Variants in KIDINS220 observed in about 807,000 individuals in gnomAD.
The protein encoded by KIDINS220 is kinase D-interacting substrate of 220 kDa.
Under a neutral mutation model 157.6 loss-of-function variants are expected in KIDINS220, and 63 were observed. That is an observed-to-expected ratio of 0.40 (90% CI 0.33 to 0.49). The LOEUF (loss-of-function observed/expected upper bound fraction) is 0.49. KIDINS220 is among the 20% of genes least tolerant of loss of function. The probability of loss-of-function intolerance (pLI) is 0.66; values close to 1 mark genes in which losing one functional copy is unlikely to be tolerated. For synonymous variants in KIDINS220, 732 were observed against 783.6 expected (o/e 0.93, Z 1.10); for missense variants, 1,772 against 2,171.2 (o/e 0.82, Z 3.65).
chr2:8,820,969 T>C (rs1365451704), intron 2 of KIDINS220, among the ~76,000 whole-genome samples: 2 of 152,182 alleles, frequency 1.3e-5, no homozygotes, highest in Non-Finnish European at 2.9e-5. Context: ...CAACAAACTC[T>C]AAATCCACAG....
In KIDINS220 at chr2:8,730,234, C is replaced by T; in HGVS notation, c.*486G>A. ...ACAGAACGCTGGATCTCGGTTTACT[C>T]AGCCTCTCCCTGTAGCGTCACAGGC... On this transcript the variant is annotated 3_prime_UTR_variant, in exon 30 of 30. Transcript: ENST00000256707. The T allele has an allele frequency of 1.7e-5, 17 of 987,854 alleles. No homozygotes were observed. Among genetic ancestry groups the T allele is most frequent in the Non-Finnish European group, 2.0e-5 (17 of 831,746 alleles). The allele number at this position is 987,854 out of a possible 1,614,324, so 61.2% of individuals were successfully genotyped here.
intron 22 of KIDINS220, among the ~76,000 whole-genome samples, chr2:8,759,051 C>A (rs1668415192): frequency 6.6e-6 from 1 of 152,190 alleles, no homozygotes; most frequent in African/African-American, 2.4e-5. Flanking sequence ...CTCACTGACA[C>A]TCACTTTTCA....
At position 8,750,147 on chromosome 2, in the gene KIDINS220, C is replaced by T. The variant is rs201693934; in HGVS notation, c.3379G>A (p.Gly1127Ser). 6.9e-5 allele frequency: 112 copies of T among 1,613,982 alleles called. No individual in the cohort carries two copies. Among genetic ancestry groups the T allele is most frequent in the Admixed American group, 1.3e-4 (8 of 59,990 alleles). ...AAGGGATGCTGAGGGCCCGTCATGC[C>T]GCTGTAATAGCTGCTGTGAGGCTGT... is the stretch of plus-strand genomic sequence containing the variant. Reference protein sequence around the residue: ...SPQPHSSYYSGMTGPQHPFYN... With the variant: ...SPQPHSSYYSSMTGPQHPFYN... Residue 1127 changes from glycine to serine, a missense_variant, in exon 24 of 30, where the codon GGC becomes AGC. Coordinates refer to ENST00000256707, the MANE Select transcript of KIDINS220 (RefSeq NM_020738.4).
intron 6 of KIDINS220, among the ~76,000 whole-genome samples, chr2:8,806,611 C>T (rs1675492715): frequency 6.6e-6 from 1 of 152,154 alleles, no homozygotes; most frequent in African/African-American, 2.4e-5. Flanking sequence ...GACAGAGTCT[C>T]ACTCTGTCAC....
At chr2:8,823,810 C>A (rs930041830) in intron 2 of KIDINS220, among the ~76,000 whole-genome samples, 1 of 152,108 alleles carries the variant, frequency 6.6e-6, no homozygotes, top group African/African-American at 2.4e-5. Context: ...CTTTTTGTAA[C>A]AACCTCCAAT....
intron 15 of KIDINS220, among the ~76,000 whole-genome samples, chr2:8,787,798 T>G (rs1332920567): frequency 6.6e-6 from 1 of 152,042 alleles, no homozygotes; most frequent in African/African-American, 2.4e-5. Context: ...GACTTAAACA[T>G]TTTTCATCTT....
At position 8,802,985 on chromosome 2, in the gene KIDINS220, G is replaced by C. The variant is rs771589853; in HGVS notation, c.746C>G (p.Thr249Arg). The change falls in exon 8 of 30, where the codon ACG (threonine) becomes AGG (arginine). Residue 249 changes from threonine (T) to arginine (R), a missense_variant. By Grantham distance (71) the Thr-to-Arg change is moderately conservative. This residue lies in a region of KIDINS220 where 725 missense variants were observed against 1,017.1 expected (regional missense o/e 0.71). Coordinates refer to ENST00000256707, the MANE Select transcript of KIDINS220 (RefSeq NM_020738.4). The stretch of plus-strand genomic sequence containing the variant: ...GTCGAGCAGATCCTGCACAATCTCC[G>C]TATGTCCCTCCTTTGATGCAATCAT... ...ALMIASKEGH[T>R]EIVQDLLDAG... 1 of 1,613,798 alleles carries C rather than the reference G, an allele frequency of 6.2e-7. No homozygotes were observed. Among genetic ancestry groups the C allele is most frequent in the Non-Finnish European group, 8.5e-7 (1 of 1,179,958 alleles).
At chr2:8,817,783 A>G in intron 3 of KIDINS220, 67 bp from the exon 4 acceptor site, 1 of 1,057,400 alleles carries the variant, frequency 9.5e-7, no homozygotes, top group Non-Finnish European at 1.4e-6. Flanking sequence ...AAGGAAAACT[A>G]CATTTGAACT....
At chr2:8,771,553 T>TA (rs1254790014) in intron 21 of KIDINS220, among the ~76,000 whole-genome samples, 1 of 152,230 alleles carries the variant, frequency 6.6e-6, no homozygotes, top group Non-Finnish European at 1.5e-5. Flanking sequence ...GAGCTGCTGA[T>TA]ACTGTTGTTA....
chr2:8,747,521 T>C (rs1006452993), intron 25 of KIDINS220: 1 of 436,538 alleles, frequency 2.3e-6, no homozygotes, highest in African/African-American at 2.0e-5. Flanking sequence ...ATTTTTTATA[T>C]CATGGTGCTA....
At chr2:8,746,198 G>A in intron 26 of KIDINS220, among the ~76,000 whole-genome samples, 1 of 151,686 alleles carries the variant, frequency 6.6e-6, no homozygotes, top group Admixed American at 6.6e-5. Context: ...CACCTCCCAG[G>A]CTCAAGCGAT....
At chr2:8,830,114 C>T (rs1051683811) in intron 1 of KIDINS220, among the ~76,000 whole-genome samples, 1 of 152,142 alleles carries the variant, frequency 6.6e-6, no homozygotes, top group Non-Finnish European at 1.5e-5. Flanking sequence ...CAGTTTACCC[C>T]CTAAAGTGTG....
At position 8,779,888 on chromosome 2, in the gene KIDINS220, T is replaced by C. The variant is rs147328383; in HGVS notation, c.2230-74A>G. 142 of 1,487,440 alleles carry C rather than the reference T, an allele frequency of 9.5e-5. 1 individual carries two copies. In the African/African-American group the frequency reaches 1.7e-3, roughly 17 times the overall value. The allele number at this position is 1,487,440 out of a possible 1,614,324, so 92.1% of individuals were successfully genotyped here. On this transcript the variant is annotated intron_variant, in intron 17 of 29. Coordinates refer to ENST00000256707, the MANE Select transcript of KIDINS220 (RefSeq NM_020738.4). ...GCTTAAACATATTTCTTAGAAAGCG[T>C]GATAGAAAGTCATCTAATAGGAACA...
Position 8,751,566 on chromosome 2 carries a change from C to T in KIDINS220, c.3090G>A (p.Val1030=), listed in dbSNP as rs1456388454. ...EIDGDIRNFE[V]FLSSRTPVLV... ...GAACTGGGGTCCTTGAAGACAAAAA[C>T]ACTTCAAAATTTCTTATATCTCCAT... Residue 1030 remains valine, a synonymous_variant, in exon 23 of 30, where the codon GTG becomes GTA. Coordinates refer to ENST00000256707, the MANE Select transcript of KIDINS220 (RefSeq NM_020738.4). 2 of 1,613,192 alleles carry T rather than the reference C, an allele frequency of 1.2e-6. No homozygotes were observed. The highest frequency in any genetic ancestry group is 1.7e-6 in the Non-Finnish European group (2 of 1,179,410).
intron 14 of KIDINS220, 104 bp from the exon 15 acceptor site, chr2:8,788,916 T>C: frequency 1.0e-6 from 1 of 965,740 alleles, no homozygotes. Flanking sequence ...CTTACATAGC[T>C]TCCTATGGTC....
At chr2:8,724,963 C>G (rs1227847472), downstream of KIDINS220, 1 of 152,156 alleles carries the variant, frequency 6.6e-6, no homozygotes, top group East Asian at 1.9e-4. This position sits in a 1 kb window ranked among gnomAD's most constrained non-coding sequence, Gnocchi z 4.6. Context: ...CACTGGCTTT[C>G]TGAGATCTAG....
chr2:8,806,504 T>A (rs925865207), intron 6 of KIDINS220, 135 bp from the exon 7 acceptor site: 2 of 569,146 alleles, frequency 3.5e-6, no homozygotes, highest in South Asian at 3.2e-5. Context: ...GTAATTGTAA[T>A]CTTAGATAAA....
chr2:8,834,779 C>G (rs1200403116), intron 1 of KIDINS220, among the ~76,000 whole-genome samples: 1 of 152,132 alleles, frequency 6.6e-6, no homozygotes, highest in Non-Finnish European at 1.5e-5. Flanking sequence ...CCTTCAAAAC[C>G]CCCCTCGCGG....
intron 9 of KIDINS220, among the ~76,000 whole-genome samples, chr2:8,799,956 G>A (rs1674467059): frequency 6.6e-6 from 1 of 152,150 alleles, no homozygotes; most frequent in African/African-American, 2.4e-5. Flanking sequence ...GTGGTCCTAG[G>A]AAAGGCAGGC....
Sources: allele counts gnomAD v4.1 joint callset (sites outside exome capture counted in the v4.1 genomes callset), GRCh38; gene constraint gnomAD v4.1.1; regional missense constraint gnomAD v4.1.1; non-coding constraint Gnocchi (gnomAD v3.1); transcripts MANE v1.5; gene names NCBI Gene and HGNC (gene_info 2026-07-23, HGNC 2026-07-21).